ARL4C: variants seen among roughly 807,000 people sequenced by gnomAD.
ARL4C encodes the protein ADP-ribosylation factor-like protein 4C.
ARL4C carries 5 observed loss-of-function variants against 12.8 expected under a neutral mutation model. The ratio of observed to expected loss-of-function variants is 0.39; its 90% confidence interval spans 0.20 to 0.82. The LOEUF is 0.82. Among genes scored for constraint, ARL4C ranks in the 40% least tolerant of loss-of-function variants. The pLI is 0.39. For synonymous variants in ARL4C, 119 were observed against 119.4 expected (o/e 1.00, Z 0.02); for missense variants, 148 against 265.2 (o/e 0.56, Z 3.07).
rs1329389226 is a variant in ARL4C, at chr2:234,495,762, C to T, written c.*44G>A. 1 of 1,597,844 alleles carries T rather than the reference C, an allele frequency of 6.3e-7. No homozygotes were observed. The highest frequency in any genetic ancestry group is 8.5e-7 in the Non-Finnish European group (1 of 1,179,260). On this transcript the variant is annotated 3_prime_UTR_variant, in exon 2 of 2. Coordinates refer to ENST00000339728, the MANE Select transcript of ARL4C (RefSeq NM_001282431.2). ...AGCTCTGGCGTTCAGACAAAAGGTC[C>T]CCTGAGCTGGGGGTGGGGGGCAGGT...
chr2:234,495,373 C>A lies in ARL4C; in HGVS notation c.*433G>T. 3.8e-6 allele frequency: 1 copy of A among 261,908 alleles called. No homozygotes were observed. The highest frequency in any genetic ancestry group is 7.5e-6 in the Non-Finnish European group (1 of 134,224). 16.2% of individuals were successfully genotyped at this position (261,908 alleles called of 1,614,324 possible). On this transcript the variant is annotated 3_prime_UTR_variant, in exon 2 of 2. Coordinates refer to ENST00000339728, the MANE Select transcript of ARL4C (RefSeq NM_001282431.2). ...CCGCTGAACCGTCCCAGGCAGTCCTCTGATGACCCAAACCACCACCACCTT... is the reference window on the plus strand; with the variant it reads ...CCGCTGAACCGTCCCAGGCAGTCCTATGATGACCCAAACCACCACCACCTT...
At chr2:234,495,952 C>CCATCCATT in intron 1 of ARL4C, 60 bp downstream of exon 1, 1 of 1,610,932 alleles carries the variant, frequency 6.2e-7, no homozygotes, top group South Asian at 1.1e-5. Flanking sequence ...AACCATCCAT[C>CCATCCATT]CATCCATTCA....
In ARL4C at chr2:234,496,287, C is replaced by A; in HGVS notation, c.300G>T (p.Arg100=). 1 of 1,605,274 alleles carries A rather than the reference C, an allele frequency of 6.2e-7. No individual in the cohort carries two copies. Among genetic ancestry groups the A allele is most frequent in the Non-Finnish European group, 8.5e-7 (1 of 1,175,562 alleles). ...IYVVDSVDVD[R]LEEAKTELHK... is the part of the protein sequence containing the mutation. ...GCAGCTCCGTCTTGGCCTCCTCCAG[C>A]CGGTCCACGTCCACCGAGTCCACCA... is the stretch of plus-strand genomic sequence containing the variant. Residue 100 remains arginine (R), a synonymous_variant, in exon 1 of 2, where the codon CGG becomes CGT. Coordinates refer to ENST00000339728, the MANE Select transcript of ARL4C (RefSeq NM_001282431.2).
chr2:234,495,935 T>TCCATCCAA, intron 1 of ARL4C, 77 bp downstream of exon 1: 4 of 1,609,136 alleles, frequency 2.5e-6, no homozygotes, highest in Non-Finnish European at 3.4e-6. Context: ...CATCCATCCA[T>TCCATCCAA]CCATCCAACC....
In ARL4C at chr2:234,496,025, G is replaced by A; in HGVS notation, c.562C>T (p.Gln188Ter). Residue 188 changes from glutamine to a stop codon, truncating the protein, a stop_gained, in exon 1 of 2, where the codon CAG becomes TAG. Transcript: ENST00000339728. LOFTEE classifies it high-confidence loss of function. Reference sequence around the variant, plus strand: ...CGGGCGCATTACCGCTTCTTCTTCTGCTTGAGGGACTTCCTGCGTTTCAGG... The same window carrying A: ...CGGGCGCATTACCGCTTCTTCTTCTACTTGAGGGACTTCCTGCGTTTCAGG... ...MILKRRKSLK[Q>*]KKKRTGDLRS... The A allele has an allele frequency of 5.6e-6, 9 of 1,605,780 alleles. No homozygotes were observed. The highest frequency in any genetic ancestry group is 7.7e-6 in the Non-Finnish European group (9 of 1,175,486).
Position 234,495,789 on chromosome 2 carries a change from G to T in ARL4C, c.*17C>A. ...CTGAGCTGGGGGTGGGGGGCAGGTC[G>T]AGAGTAGGCCGGTAAATCAGACTTC... is the stretch of plus-strand genomic sequence containing the variant. On this transcript the variant is annotated 3_prime_UTR_variant, in exon 2 of 2. Coordinates refer to ENST00000339728, the MANE Select transcript of ARL4C (RefSeq NM_001282431.2). 1 of 1,598,440 alleles carries T rather than the reference G, an allele frequency of 6.3e-7. No homozygotes were observed. Among genetic ancestry groups the T allele is most frequent in the Non-Finnish European group, 8.5e-7 (1 of 1,179,790 alleles).
Position 234,494,533 on chromosome 2 carries a change from C to T in ARL4C, c.*1273G>A, listed in dbSNP as rs1290417553. 6.6e-6 allele frequency: 1 copy of T among 152,626 alleles called. No individual in the cohort carries two copies. The highest frequency in any genetic ancestry group is 1.5e-5 in the Non-Finnish European group (1 of 68,036). 9.5% of individuals were successfully genotyped at this position (152,626 alleles called of 1,614,324 possible). A position where few individuals can be genotyped will look rare whatever the true frequency, so the allele number is the denominator to read the frequency against. On this transcript the variant is annotated 3_prime_UTR_variant, in exon 2 of 2. Transcript: ENST00000339728. ...TCCCACAAGAATGAATTCGGAAAGA[C>T]TTCATCCTTGTGTTTTTCCTTCTCT...
chr2:234,496,180 G>A lies in ARL4C; in HGVS notation c.407C>T (p.Pro136Leu). The change falls in exon 1 of 2, where the codon CCG becomes CTG. Residue 136 changes from proline to leucine, a missense_variant. Physicochemically the swap from Pro to Leu is moderately conservative, Grantham distance 98. Around this residue, in one of 4 missense-constraint regions of ARL4C, gnomAD observed 42 missense variants for 87.4 expected, o/e 0.48. Transcript: ENST00000339728. Reference sequence around the variant, plus strand: ...CAGCTGCTTCTCAATCTCTGCCACCGGCAGCGACTTGGGCAGGTCCTGCTT... The same window carrying A: ...CAGCTGCTTCTCAATCTCTGCCACCAGCAGCGACTTGGGCAGGTCCTGCTT... The part of the protein sequence containing the change: ...ANKQDLPKSL[P>L]VAEIEKQLAL... 1.2e-6 allele frequency: 2 copies of A among 1,611,124 alleles called. No homozygotes were observed. The highest frequency in any genetic ancestry group is 1.7e-6 in the Non-Finnish European group (2 of 1,178,628).
chr2:234,495,212 A>T lies in ARL4C; in HGVS notation c.*594T>A, dbSNP rs1691764266. The T allele has an allele frequency of 6.4e-6, 1 of 155,656 alleles. No individual in the cohort carries two copies. Among genetic ancestry groups the T allele is most frequent in the Non-Finnish European group, 1.4e-5 (1 of 70,074 alleles). The allele number at this position is 155,656 out of a possible 1,614,324, so 9.6% of individuals were successfully genotyped here. On this transcript the variant is annotated 3_prime_UTR_variant, in exon 2 of 2. Transcript: ENST00000339728. ...AATGACCTACACATGGACAGGGTCCAAACCATCTGGAAGATGTCTGATTCC... is the reference window on the plus strand; with the variant it reads ...AATGACCTACACATGGACAGGGTCCTAACCATCTGGAAGATGTCTGATTCC...
In ARL4C at chr2:234,495,331, A is replaced by C; in HGVS notation, c.*475T>G. On this transcript the variant is annotated 3_prime_UTR_variant, in exon 2 of 2. Transcript: ENST00000339728. ...CTCCGCGGCCATCCCCAGCCAGGCCAGCACAGCGCTCCGTGCCCGCTGAAC... is the reference window on the plus strand; with the variant it reads ...CTCCGCGGCCATCCCCAGCCAGGCCCGCACAGCGCTCCGTGCCCGCTGAAC... The C allele has an allele frequency of 5.5e-6, 1 of 182,152 alleles. No homozygotes were observed. The highest frequency in any genetic ancestry group is 1.2e-5 in the Non-Finnish European group (1 of 85,578). 11.3% of individuals were successfully genotyped at this position (182,152 alleles called of 1,614,324 possible).
chr2:234,496,206 G>A lies in ARL4C; in HGVS notation c.381C>T (p.Asn127=), dbSNP rs200132693. 7 of 1,599,776 alleles carry A rather than the reference G, an allele frequency of 4.4e-6. No individual in the cohort carries two copies. The highest frequency in any genetic ancestry group is 6.0e-6 in the Non-Finnish European group (7 of 1,172,822). Residue 127 remains asparagine (N), a synonymous_variant, in exon 1 of 2, where the codon AAC becomes AAT. Coordinates refer to ENST00000339728, the MANE Select transcript of ARL4C (RefSeq NM_001282431.2). Reference sequence around the variant, plus strand: ...GCAGCGACTTGGGCAGGTCCTGCTTGTTGGCGATGACCAGCAGCGGCGTGC... The same window carrying A: ...GCAGCGACTTGGGCAGGTCCTGCTTATTGGCGATGACCAGCAGCGGCGTGC... ...NQGTPLLVIA[N]KQDLPKSLPV...
rs1420903005 is a variant in ARL4C, at chr2:234,496,645, C to T, written c.-59G>A. The T allele has an allele frequency of 4.7e-6, 6 of 1,281,196 alleles. No homozygotes were observed. Among genetic ancestry groups the T allele is most frequent in the Non-Finnish European group, 6.0e-6 (6 of 999,264 alleles). 79.4% of individuals were successfully genotyped at this position (1,281,196 alleles called of 1,614,324 possible). A position where few individuals can be genotyped will look rare whatever the true frequency, so the allele number is the denominator to read the frequency against. ...CGGCGGGAGGGCGCCGCCCCCCGAGCAGTCACGGGCCCGACGCGGCCGGGC... is the reference window on the plus strand; with the variant it reads ...CGGCGGGAGGGCGCCGCCCCCCGAGTAGTCACGGGCCCGACGCGGCCGGGC... On this transcript the variant is annotated 5_prime_UTR_variant, in exon 1 of 2. Transcript: ENST00000339728.
At position 234,493,151 on chromosome 2, in the gene ARL4C, G is replaced by A. The variant is rs1055616911; in HGVS notation, c.*2655C>T. 1.3e-5 allele frequency: 2 copies of A among 152,650 alleles called. No individual in the cohort carries two copies. The highest frequency in any genetic ancestry group is 4.8e-5 in the African/African-American group (2 of 41,452). The allele number at this position is 152,650 out of a possible 1,614,324, so 9.5% of individuals were successfully genotyped here. On this transcript the variant is annotated 3_prime_UTR_variant, in exon 2 of 2. Coordinates refer to ENST00000339728, the MANE Select transcript of ARL4C (RefSeq NM_001282431.2). ...GACAGAGAATTACAGCAGTAGAAAG[G>A]AAAACAGAAACCAGGGCACACAGTT...
chr2:234,496,261 T>C lies in ARL4C; in HGVS notation c.326A>G (p.His109Arg). The change falls in exon 1 of 2, where the codon CAC (histidine) becomes CGC (arginine). Residue 109 changes from histidine (H) to arginine (R), a missense_variant. His to Arg is a conservative substitution (Grantham distance 29). This residue lies in a region of ARL4C where 27 missense variants were observed against 25.6 expected (regional missense o/e 1.06). Coordinates refer to ENST00000339728, the MANE Select transcript of ARL4C (RefSeq NM_001282431.2). ...DRLEEAKTEL[H>R]KVTKFAENQG... Reference sequence around the variant, plus strand: ...GTTCTCGGCGAACTTGGTCACCTTGTGCAGCTCCGTCTTGGCCTCCTCCAG... The same window carrying C: ...GTTCTCGGCGAACTTGGTCACCTTGCGCAGCTCCGTCTTGGCCTCCTCCAG... 1 of 1,592,642 alleles carries C rather than the reference T, an allele frequency of 6.3e-7. No individual in the cohort carries two copies. The highest frequency in any genetic ancestry group is 8.6e-7 in the Non-Finnish European group (1 of 1,168,946).
Position 234,496,152 on chromosome 2 carries a change from C to G in ARL4C, c.435G>C (p.Ala145=). ...TGGTGGCCGGGATAAGCTCGTGCAG[C>G]GCCAGCTGCTTCTCAATCTCTGCCA... ...LPVAEIEKQL[A]LHELIPATTY... The change falls in exon 1 of 2, where the codon GCG becomes GCC. Residue 145 remains alanine (A), a synonymous_variant. Coordinates refer to ENST00000339728, the MANE Select transcript of ARL4C (RefSeq NM_001282431.2). The G allele has an allele frequency of 6.2e-7, 1 of 1,613,336 alleles. No homozygotes were observed. Among genetic ancestry groups the G allele is most frequent in the Non-Finnish European group, 8.5e-7 (1 of 1,179,780 alleles).
rs747230518 is a variant in ARL4C at position 234,496,307 on chromosome 2, C to T, written c.280G>A (p.Asp94Asn). The change falls in exon 1 of 2, where the codon GAC (aspartate) becomes AAC (asparagine). Residue 94 changes from aspartate to asparagine, a missense_variant. Around this residue, in one of 4 missense-constraint regions of ARL4C, gnomAD observed 51 missense variants for 127.9 expected, o/e 0.40. Coordinates refer to ENST00000339728, the MANE Select transcript of ARL4C (RefSeq NM_001282431.2). ...TCCAGCCGGTCCACGTCCACCGAGT[C>T]CACCACGTAGATGATGCCGTCCGTG... ...RCTDGIIYVV[D>N]SVDVDRLEEA... 6.2e-7 allele frequency: 1 copy of T among 1,612,140 alleles called. No homozygotes were observed. Among genetic ancestry groups the T allele is most frequent in the Non-Finnish European group, 8.5e-7 (1 of 1,179,188 alleles).
Position 234,496,125 on chromosome 2 carries a change from G to A in ARL4C, c.462C>T (p.Thr154=), listed in dbSNP as rs781524760. The change falls in exon 1 of 2, where the codon ACC becomes ACT. Residue 154 remains threonine (T), a synonymous_variant. Transcript: ENST00000339728. ...TGGCGCACGCCGGCTGGACGTGATA[G>A]GTGGTGGCCGGGATAAGCTCGTGCA... ...LALHELIPAT[T]YHVQPACAII... 6.2e-7 allele frequency: 1 copy of A among 1,613,882 alleles called. No homozygotes were observed. The highest frequency in any genetic ancestry group is 1.1e-5 in the South Asian group (1 of 91,042).
chr2:234,495,730 G>A lies in ARL4C; in HGVS notation c.*76C>T. 1.3e-6 allele frequency: 2 copies of A among 1,582,142 alleles called. No individual in the cohort carries two copies. The highest frequency in any genetic ancestry group is 2.2e-5 in the South Asian group (2 of 90,738). ...ACTCCCCACCGCGGCCCCCCGACCT[G>A]GTCAGTAGCTCTGGCGTTCAGACAA... On this transcript the variant is annotated 3_prime_UTR_variant, in exon 2 of 2. Transcript: ENST00000339728.
Position 234,495,546 on chromosome 2 carries a change from A to C in ARL4C, c.*260T>G. 1.7e-6 allele frequency: 1 copy of C among 594,908 alleles called. No homozygotes were observed. Among genetic ancestry groups the C allele is most frequent in the East Asian group, 2.8e-5 (1 of 35,206 alleles). The allele number at this position is 594,908 out of a possible 1,614,324, so 36.9% of individuals were successfully genotyped here. A position where few individuals can be genotyped will look rare whatever the true frequency, so the allele number is the denominator to read the frequency against. ...GGTGGGTACGCCCACGGTTCTGGGA[A>C]ATGCATACCTCAGGTAATTCACAGG... On this transcript the variant is annotated 3_prime_UTR_variant, in exon 2 of 2. Transcript: ENST00000339728.
Sources: allele counts gnomAD v4.1 joint callset, GRCh38; gene constraint gnomAD v4.1.1; regional missense constraint gnomAD v4.1.1; transcripts MANE v1.5; gene names NCBI Gene and HGNC (gene_info 2026-07-23, HGNC 2026-07-21).